The following ANKRD17 variants were observed in gnomAD, a reference collection of about 807,000 sequenced individuals.
The protein encoded by ANKRD17 is ankyrin repeat domain-containing protein 17.
A neutral mutation model predicts 229.7 loss-of-function variants in ANKRD17; 19 were observed. The ratio of observed to expected loss-of-function variants is 0.08; its 90% CI spans 0.06 to 0.12. ANKRD17 has a LOEUF of 0.12. Ranked by LOEUF, ANKRD17 falls within the 10% of genes least tolerant of loss-of-function variation. The pLI, the probability that ANKRD17 is intolerant of heterozygous loss-of-function variation, is 1.00. For synonymous variants in ANKRD17, 1,112 were observed against 1,146.1 expected, an observed-to-expected ratio of 0.97 and a Z score of 0.60; for missense variants, 2,176 against 3,176.8, an observed-to-expected ratio of 0.68 and a Z score of 7.57.
chr4:73,154,780 G>A (rs1261242106), intron 5 of ANKRD17, among the ~76,000 whole-genome samples: 2 of 152,208 alleles, frequency 1.3e-5, no homozygotes, highest in African/African-American at 2.4e-5. Context: ...GGTGGCTCAC[G>A]CCTGTAATCC....
At chr4:73,228,632 C>T (rs553029353) in intron 1 of ANKRD17, among the ~76,000 whole-genome samples, 63 of 152,174 alleles carry the variant, frequency 4.1e-4, no homozygotes, top group Non-Finnish European at 6.2e-4. Flanking sequence ...TGCATACTTT[C>T]TGTATCCCAA....
At chr4:73,208,118 G>A (rs1457643601) in intron 1 of ANKRD17, among the ~76,000 whole-genome samples, 1 of 151,392 alleles carries the variant, frequency 6.6e-6, no homozygotes, top group Non-Finnish European at 1.5e-5. Flanking sequence ...GAGCCCGGGA[G>A]GCGGAGCTTG....
intron 2 of ANKRD17, among the ~76,000 whole-genome samples, chr4:73,172,313 A>G (rs993393178): frequency 6.6e-6 from 1 of 152,232 alleles, no homozygotes; most frequent in African/African-American, 2.4e-5. Flanking sequence ...ATAATAGTAC[A>G]TCTGGCAAAT....
rs757492754 is a variant in ANKRD17, at chr4:73,092,052, G to C, written c.5576C>G (p.Ser1859Cys). 1.9e-6 allele frequency: 3 copies of C among 1,614,230 alleles called. No individual in the cohort carries two copies. The highest frequency in any genetic ancestry group is 1.3e-5 in the African/African-American group (1 of 75,056). Reference protein sequence around the residue: ...ATALTVPAISSASTHKTIKNP... With the variant: ...ATALTVPAISCASTHKTIKNP... ...CTTAATGGTTTTGTGAGTGGATGCA[G>C]AAGAAATTGCAGGCACAGTGAGTGC... The change falls in exon 29 of 34, where the codon TCT becomes TGT. Residue 1859 changes from serine (S) to cysteine (C), a missense_variant. Around this residue, in one of 18 missense-constraint regions of ANKRD17, gnomAD observed 142 missense variants for 200.4 expected, o/e 0.71. Transcript: ENST00000358602.
chr4:73,137,472 A>G (rs1039950145), intron 15 of ANKRD17, among the ~76,000 whole-genome samples: 3 of 152,158 alleles, frequency 2.0e-5, no homozygotes, highest in Non-Finnish European at 4.4e-5. Context: ...AGACGATGAG[A>G]CTAATGAGGC....
intron 24 of ANKRD17, among the ~76,000 whole-genome samples, chr4:73,105,399 G>A (rs1724495088): frequency 2.0e-5 from 3 of 151,364 alleles, no homozygotes; most frequent in Admixed American, 2.0e-4. Context: ...GAGAGTTTAT[G>A]TATATGTGTG....
intron 30 of ANKRD17, among the ~76,000 whole-genome samples, chr4:73,083,164 T>A (rs1483246378): frequency 6.6e-6 from 1 of 152,218 alleles, no homozygotes; most frequent in African/African-American, 2.4e-5. Context: ...AATTATTAAT[T>A]ACAAAATCTG....
chr4:73,173,496 T>G (rs1488636543), intron 2 of ANKRD17, among the ~76,000 whole-genome samples: 2 of 152,300 alleles, frequency 1.3e-5, no homozygotes, highest in African/African-American at 4.8e-5. Flanking sequence ...GAATAGCATG[T>G]GGAGACTCAC....
chr4:73,146,880 T>C lies in ANKRD17; in HGVS notation c.1760-7A>G, dbSNP rs1730350654. 6.2e-7 allele frequency: 1 copy of C among 1,601,182 alleles called. No homozygotes were observed. The highest frequency in any genetic ancestry group is 2.2e-5 in the East Asian group (1 of 44,766). ...GTTGCATGAACGTTAGCTCCTGTAG[T>C]AGTCAACAAATAATACATAGACTTA... On this transcript the variant is annotated splice_polypyrimidine_tract_variant and splice_region_variant and intron_variant, in intron 9 of 33. Transcript: ENST00000358602.
intron 1 of ANKRD17, among the ~76,000 whole-genome samples, chr4:73,178,557 G>A (rs1030917262): frequency 6.6e-6 from 1 of 151,770 alleles, no homozygotes; most frequent in Non-Finnish European, 1.5e-5. Flanking sequence ...TGGCCTTCGG[G>A]TCCATAAGTT....
In ANKRD17 at chr4:73,258,505, A is replaced by C; in HGVS notation, c.164T>G (p.Val55Gly). 1 of 1,555,846 alleles carries C rather than the reference A, an allele frequency of 6.4e-7. No individual in the cohort carries two copies. The change falls in exon 1 of 34, where the codon GTG (valine) becomes GGG (glycine). Residue 55 changes from valine to glycine, a missense_variant. Around this residue, in one of 18 missense-constraint regions of ANKRD17, gnomAD observed 196 missense variants for 190.0 expected, o/e 1.03. Transcript: ENST00000358602. ...ARSASSPRGM[V>G]RVCDLLLKKK... ...CTTCAGGAGCAGGTCGCAGACTCGC[A>C]CCATCCCACGAGGAGACGAGGCCGA...
chr4:73,247,433 A>G (rs2149273551), intron 1 of ANKRD17, among the ~76,000 whole-genome samples: 1 of 152,236 alleles, frequency 6.6e-6, no homozygotes, highest in Non-Finnish European at 1.5e-5. Flanking sequence ...CACTTCACTA[A>G]TAGCAATGTA....
At chr4:73,230,360 A>G (rs1560765247) in intron 1 of ANKRD17, among the ~76,000 whole-genome samples, 2 of 152,112 alleles carry the variant, frequency 1.3e-5, no homozygotes, top group Non-Finnish European at 2.9e-5. Flanking sequence ...CAAGGCTCAT[A>G]CTATAAAAAG....
intron 11 of ANKRD17, among the ~76,000 whole-genome samples, chr4:73,143,397 T>C (rs1729847350): frequency 6.6e-6 from 1 of 152,222 alleles, no homozygotes; most frequent in Non-Finnish European, 1.5e-5. Flanking sequence ...GCCAAAATGC[T>C]GAAATTACAG....
intron 33 of ANKRD17, 116 bp downstream of exon 33, chr4:73,076,824 C>T: frequency 7.9e-7 from 1 of 1,267,630 alleles, no homozygotes; most frequent in Non-Finnish European, 1.1e-6. Context: ...TATTAGATTT[C>T]CTCAACTGCC....
chr4:73,153,032 T>A (rs1402506963), intron 6 of ANKRD17, among the ~76,000 whole-genome samples: 1 of 152,140 alleles, frequency 6.6e-6, no homozygotes, highest in South Asian at 2.1e-4. Context: ...TACTCTTATA[T>A]AGAACAAAAC....
intron 1 of ANKRD17, among the ~76,000 whole-genome samples, chr4:73,210,554 C>A (rs1430859134): frequency 1.3e-5 from 2 of 152,152 alleles, no homozygotes; most frequent in Non-Finnish European, 2.9e-5. Context: ...AGTTTGGAAC[C>A]TTTGCCCTAG....
intron 1 of ANKRD17, among the ~76,000 whole-genome samples, chr4:73,242,691 T>C (rs1003459608): frequency 2.6e-5 from 4 of 152,154 alleles, no homozygotes; most frequent in African/African-American, 9.7e-5. Context: ...TACCAAACCA[T>C]GCTAACATAT....
In ANKRD17 at chr4:73,120,247, G is replaced by A; in HGVS notation, c.3940C>T (p.Pro1314Ser). 6.2e-7 allele frequency: 1 copy of A among 1,613,990 alleles called. No homozygotes were observed. Residue 1314 changes from proline (P) to serine (S), a missense_variant, in exon 21 of 34, where the codon CCT (proline) becomes TCT (serine). Physicochemically the swap from Pro to Ser is moderately conservative, Grantham distance 74. Transcript: ENST00000358602. Reference sequence around the variant, plus strand: ...GTATCTCTTGAGGAGGGAACTGGAGGGGCATTAACATCAGCACCTTTATCC... The same window carrying A: ...GTATCTCTTGAGGAGGGAACTGGAGAGGCATTAACATCAGCACCTTTATCC... ...LLDKGADVNA[P>S]PVPSSRDTAL...
Sources: gnomAD v4.1 joint callset for allele counts (sites outside exome capture counted in the v4.1 genomes callset) on GRCh38, gnomAD v4.1.1 for gene constraint, gnomAD v4.1.1 regional missense constraint, MANE v1.5 for transcripts, NCBI Gene and HGNC (gene_info 2026-07-23, HGNC 2026-07-21) for gene names.